The following SEPTIN11 variants were observed in gnomAD, a reference collection of about 807,000 sequenced individuals.
The protein encoded by SEPTIN11 is septin-11.
A neutral mutation model predicts 51.4 loss-of-function variants in SEPTIN11; 25 were observed. The ratio of observed to expected loss-of-function variants is 0.49; its 90% CI spans 0.35 to 0.68. SEPTIN11 has a LOEUF of 0.68. Ranked by LOEUF, SEPTIN11 falls within the 30% of genes least tolerant of loss-of-function variation. The probability of loss-of-function intolerance (pLI) is 0.00; values close to 1 mark genes in which losing one functional copy is unlikely to be tolerated. For synonymous variants in SEPTIN11, 174 were observed against 184.1 expected, an observed-to-expected ratio of 0.95 and a Z score of 0.44; for missense variants, 381 against 520.8, an observed-to-expected ratio of 0.73 and a Z score of 2.61.
At chr4:77,026,064 C>G (rs942337460) in intron 7 of SEPTIN11, among the ~76,000 whole-genome samples, 1 of 152,178 alleles carries the variant, frequency 6.6e-6, no homozygotes, top group African/African-American at 2.4e-5. Context: ...AATGCCTACT[C>G]TTAAACTTTT....
At chr4:77,038,643 T>C (rs1207297484), downstream of SEPTIN11, 7 of 995,166 alleles carry the variant, frequency 7.0e-6, no homozygotes, top group Non-Finnish European at 8.4e-6. Context: ...GTGAGTTCTT[T>C]TTAGTCACTG....
chr4:76,997,915 G>A (rs918414502), intron 2 of SEPTIN11, among the ~76,000 whole-genome samples: 1 of 152,148 alleles, frequency 6.6e-6, no homozygotes, highest in Non-Finnish European at 1.5e-5. Context: ...TCCAAAATCA[G>A]CTCTAAGAAC....
intron 1 of SEPTIN11, among the ~76,000 whole-genome samples, chr4:76,963,714 C>T (rs1043179320): frequency 3.3e-5 from 5 of 152,300 alleles, no homozygotes; most frequent in South Asian, 4.1e-4. Context: ...TGGCAAGTGG[C>T]TACCATACTG....
chr4:77,028,339 C>T (rs993944372), intron 7 of SEPTIN11, among the ~76,000 whole-genome samples: 8 of 152,174 alleles, frequency 5.3e-5, no homozygotes, highest in Non-Finnish European at 1.2e-4. Context: ...ACCTCCACCT[C>T]CTCAGCCCAG....
intron 6 of SEPTIN11, 131 bp from the exon 7 acceptor site, chr4:77,020,371 G>A: frequency 1.9e-6 from 2 of 1,073,556 alleles, no homozygotes; most frequent in African/African-American, 1.6e-5. Flanking sequence ...ATCCAGTAAA[G>A]GATCTTCAGA....
At chr4:77,005,856 G>A in intron 3 of SEPTIN11, 60 bp downstream of exon 3, 2 of 1,499,998 alleles carry the variant, frequency 1.3e-6, no homozygotes, top group Non-Finnish European at 1.8e-6. Context: ...ATCCATCCCA[G>A]GTAAATTTAA....
At chr4:77,019,993 G>A (rs1404116599) in intron 6 of SEPTIN11, among the ~76,000 whole-genome samples, 1 of 152,178 alleles carries the variant, frequency 6.6e-6, no homozygotes, top group Non-Finnish European at 1.5e-5. Context: ...TCTACAATAA[G>A]AAAACTCCTT....
intron 2 of SEPTIN11, among the ~76,000 whole-genome samples, chr4:76,999,237 G>T (rs1191963663): frequency 6.6e-6 from 1 of 152,148 alleles, no homozygotes; most frequent in Admixed American, 6.5e-5. Context: ...CATCCTCAGA[G>T]AGTTGAATAT....
In SEPTIN11 at chr4:76,952,041, TAAAG is replaced by T. The variant is rs561719521; in HGVS notation, c.27+2112_27+2115del. 1.7e-4 allele frequency among the ~76,000 whole-genome samples: 26 copies of T among 152,372 alleles called. No homozygotes were observed. In the South Asian group the frequency reaches 5.2e-3, roughly 30 times the overall value. On this transcript the variant is annotated intron_variant, in intron 1 of 9. Coordinates refer to ENST00000264893, the MANE Select transcript of SEPTIN11 (RefSeq NM_018243.4). ...TGTACGAGTGATTAGGAATTGACTATAAAGTTAGAAAGTCTACAGAAAATATGTG... is the reference window on the plus strand; with the variant it reads ...TGTACGAGTGATTAGGAATTGACTATTTAGAAAGTCTACAGAAAATATGTG...
At chr4:76,963,615 T>C (rs1380345074) in intron 1 of SEPTIN11, among the ~76,000 whole-genome samples, 1 of 152,240 alleles carries the variant, frequency 6.6e-6, no homozygotes, top group African/African-American at 2.4e-5. Flanking sequence ...ATATGGCTTT[T>C]AAACACTTGA....
At chr4:76,974,913 A>G (rs1722416842) in intron 1 of SEPTIN11, 15 of 454,560 alleles carry the variant, frequency 3.3e-5, no homozygotes, top group South Asian at 2.2e-4. Flanking sequence ...ACTTGAGGCC[A>G]GGAGTTCAAG....
intron 1 of SEPTIN11, among the ~76,000 whole-genome samples, chr4:76,976,364 T>G (rs1039265602): frequency 1.3e-5 from 2 of 152,192 alleles, no homozygotes; most frequent in African/African-American, 4.8e-5. Flanking sequence ...ATTCCCTAAT[T>G]GCTGCATGAA....
chr4:77,020,888 T>C, intron 7 of SEPTIN11: 1 of 522,086 alleles, frequency 1.9e-6, no homozygotes, highest in East Asian at 3.3e-5. Flanking sequence ...ATTTTACAGA[T>C]GAGGAAACAA....
chr4:77,035,698 C>T lies in SEPTIN11; in HGVS notation c.*1186C>T. On this transcript the variant is annotated 3_prime_UTR_variant, in exon 10 of 10. Coordinates refer to ENST00000264893, the MANE Select transcript of SEPTIN11 (RefSeq NM_018243.4). The stretch of plus-strand genomic sequence containing the variant: ...AAATCATTGTCTGGAATTTTCCTCA[C>T]CTTGGCTAGCTCCACCTGCTCTTTG... 11 of 985,898 alleles carry T rather than the reference C, an allele frequency of 1.1e-5. No individual in the cohort carries two copies. The highest frequency in any genetic ancestry group is 5.2e-5 in the African/African-American group (3 of 57,358). 61.1% of individuals were successfully genotyped at this position (985,898 alleles called of 1,614,324 possible).
chr4:77,013,750 G>A (rs9307231), intron 4 of SEPTIN11, among the ~76,000 whole-genome samples: 37,446 of 152,094 alleles, frequency 0.25, 5,679 homozygotes, highest in East Asian at 0.33. Context: ...TTTGGCCTTT[G>A]GATAAAAGGA....
At chr4:76,949,969 G>T (rs1478279581) in intron 1 of SEPTIN11, 39 bp downstream of exon 1, 2 of 1,434,922 alleles carry the variant, frequency 1.4e-6, no homozygotes, top group African/African-American at 1.5e-5. Flanking sequence ...CTCGGGCGCC[G>T]GGTGGTCTCT....
chr4:77,028,236 T>C (rs1268539977), intron 7 of SEPTIN11, among the ~76,000 whole-genome samples: 2 of 152,220 alleles, frequency 1.3e-5, no homozygotes, highest in African/African-American at 4.8e-5. Flanking sequence ...TTACTTAGTA[T>C]GGCCCAAATT....
intron 1 of SEPTIN11, among the ~76,000 whole-genome samples, chr4:76,973,849 A>G (rs1299976066): frequency 6.6e-6 from 1 of 152,284 alleles, no homozygotes; most frequent in East Asian, 1.9e-4. Context: ...TATAAATAAT[A>G]CCTTCTGAAT....
chr4:76,949,990 G>C, intron 1 of SEPTIN11, 60 bp downstream of exon 1: 1 of 1,383,256 alleles, frequency 7.2e-7, no homozygotes, highest in African/African-American at 1.5e-5. Flanking sequence ...GCTCTGGGGC[G>C]GGTGCGGTGA....
Sources: gnomAD v4.1 joint callset for allele counts (sites outside exome capture counted in the v4.1 genomes callset) on GRCh38, gnomAD v4.1.1 for gene constraint, MANE v1.5 for transcripts, NCBI Gene and HGNC (gene_info 2026-07-23, HGNC 2026-07-21) for gene names.